Variants in PRKD1 observed in about 807,000 individuals in gnomAD.
The protein encoded by PRKD1 is serine/threonine-protein kinase D1.
PRKD1 carries 63 observed loss-of-function variants against 95.9 expected under a neutral mutation model. The observed-to-expected ratio is 0.66, with a 90% CI of 0.54 to 0.81. PRKD1 has a LOEUF of 0.81. Ranked by LOEUF, PRKD1 falls within the 30% of genes least tolerant of loss-of-function variation. The pLI is 0.00. For synonymous variants in PRKD1, 425 were observed against 423.1 expected, an observed-to-expected ratio of 1.00 and a Z score of -0.05; for missense variants, 1,048 against 1,165.3, an observed-to-expected ratio of 0.90 and a Z score of 1.47.
intron 2 of PRKD1, among the ~76,000 whole-genome samples, chr14:29,683,596 G>A (rs1479077896): frequency 6.6e-6 from 1 of 152,166 alleles, no homozygotes; most frequent in African/African-American, 2.4e-5. Flanking sequence ...CATAAAAGAG[G>A]AGGCAAGAAT....
chr14:29,840,295 T>C (rs1053504270), intron 1 of PRKD1, among the ~76,000 whole-genome samples: 3 of 152,164 alleles, frequency 2.0e-5, no homozygotes, highest in African/African-American at 4.8e-5. Context: ...TCCTAAAACA[T>C]AGGAAGAGTC....
At chr14:29,635,492 ACAAT>A (rs1880306612) in intron 7 of PRKD1, among the ~76,000 whole-genome samples, 1 of 152,220 alleles carries the variant, frequency 6.6e-6, no homozygotes, top group African/African-American at 2.4e-5. Flanking sequence ...ATGGAAAAAA[ACAAT>A]CATTTTATTG....
chr14:29,696,860 G>C (rs1289323100), intron 2 of PRKD1, among the ~76,000 whole-genome samples: 1 of 152,014 alleles, frequency 6.6e-6, no homozygotes, highest in African/African-American at 2.4e-5. Context: ...CTTATACTCA[G>C]CTTCCATGGA....
chr14:29,581,810 G>A (rs573080126), intron 16 of PRKD1, among the ~76,000 whole-genome samples: 5 of 152,106 alleles, frequency 3.3e-5, no homozygotes, highest in South Asian at 4.2e-4. Context: ...TGCTCACACC[G>A]AATAAGCCCA....
intron 1 of PRKD1, among the ~76,000 whole-genome samples, chr14:29,900,872 C>T (rs1466798277): frequency 2.0e-5 from 3 of 152,168 alleles, no homozygotes; most frequent in Non-Finnish European, 4.4e-5. Context: ...GAAAAAGGAA[C>T]GCTTATACAC....
In PRKD1 at chr14:29,576,928, G is replaced by C. The variant is rs938918638; in HGVS notation, c.*310C>G. ...TGTCTCTTACCAAAATGAAGCTCCAGTAAGAAAAACACTGATTTGCAAAGG... is the reference window on the plus strand; with the variant it reads ...TGTCTCTTACCAAAATGAAGCTCCACTAAGAAAAACACTGATTTGCAAAGG... On this transcript the variant is annotated 3_prime_UTR_variant, in exon 18 of 18. Transcript: ENST00000331968. 2.7e-6 allele frequency: 1 copy of C among 370,178 alleles called. No homozygotes were observed. The highest frequency in any genetic ancestry group is 5.1e-6 in the Non-Finnish European group (1 of 196,188). The allele number at this position is 370,178 out of a possible 1,614,324, so 22.9% of individuals were successfully genotyped here.
chr14:29,759,337 G>A (rs1594490937), intron 1 of PRKD1, among the ~76,000 whole-genome samples: 2 of 152,088 alleles, frequency 1.3e-5, no homozygotes, highest in East Asian at 1.9e-4. Context: ...CCTGGTGTGT[G>A]GAAAGCACAG....
intron 1 of PRKD1, 92 bp from the exon 2 acceptor site, chr14:29,725,766 G>A: frequency 3.7e-6 from 5 of 1,353,326 alleles, no homozygotes; most frequent in Non-Finnish European, 5.0e-6. Flanking sequence ...AAGCTAATTA[G>A]AAAAGTTCAA....
intron 1 of PRKD1, among the ~76,000 whole-genome samples, chr14:29,858,317 T>TA (rs1343988205): frequency 2.0e-5 from 3 of 152,226 alleles, no homozygotes; most frequent in Non-Finnish European, 4.4e-5. Context: ...GTTTTTACAC[T>TA]ACTGTTGTCC....
intron 1 of PRKD1, among the ~76,000 whole-genome samples, chr14:29,842,009 C>T (rs1161497070): frequency 6.6e-6 from 1 of 152,032 alleles, no homozygotes; most frequent in African/African-American, 2.4e-5. Flanking sequence ...AGCCTAAACA[C>T]ACAATTAGCC....
intron 1 of PRKD1, among the ~76,000 whole-genome samples, chr14:29,887,014 C>T (rs1306576417): frequency 6.6e-6 from 1 of 152,216 alleles, no homozygotes; most frequent in Admixed American, 6.5e-5. Context: ...CTCAATGGCA[C>T]ATCTGGTAGC....
intron 1 of PRKD1, among the ~76,000 whole-genome samples, chr14:29,835,368 T>A (rs1195086852): frequency 6.6e-6 from 1 of 152,138 alleles, no homozygotes; most frequent in Admixed American, 6.5e-5. Flanking sequence ...GGGTAAAAAC[T>A]TGTAAGTACA....
rs371990329 is a variant in PRKD1, at chr14:29,638,743, G to A, written c.858C>T (p.Tyr286=). The A allele has an allele frequency of 2.5e-6, 4 of 1,614,142 alleles. No homozygotes were observed. The highest frequency in any genetic ancestry group is 3.4e-6 in the Non-Finnish European group (4 of 1,180,022). The change falls in exon 5 of 18, where the codon TAC becomes TAT. Residue 286 remains tyrosine (Y), a synonymous_variant. Coordinates refer to ENST00000331968, the MANE Select transcript of PRKD1 (RefSeq NM_002742.3). The stretch of plus-strand genomic sequence containing the variant: ...AAAGCCCCTTCAGAAGCTTCTTGCA[G>A]TACTGGCACACTGTGGGCCGGGTGT... The part of the protein sequence containing the change: ...HSYTRPTVCQ[Y]CKKLLKGLFR...
At chr14:29,690,820 C>T (rs540968043) in intron 2 of PRKD1, among the ~76,000 whole-genome samples, 5 of 152,262 alleles carry the variant, frequency 3.3e-5, no homozygotes, top group Non-Finnish European at 7.3e-5. Context: ...CAGAATACCC[C>T]CATTCTTACA....
chr14:29,712,382 T>A (rs1286801451), intron 2 of PRKD1, among the ~76,000 whole-genome samples: 1 of 152,114 alleles, frequency 6.6e-6, no homozygotes, highest in Non-Finnish European at 1.5e-5. Flanking sequence ...AAGAAACTTC[T>A]GAGGAAAATA....
intron 1 of PRKD1, among the ~76,000 whole-genome samples, chr14:29,775,512 C>T (rs2139150762): frequency 6.6e-6 from 1 of 152,292 alleles, no homozygotes; most frequent in Non-Finnish European, 1.5e-5. Context: ...CCACGCCTGG[C>T]TCGAGGGTCC....
chr14:29,598,555 A>G (rs189494733), intron 15 of PRKD1, among the ~76,000 whole-genome samples: 2 of 152,288 alleles, frequency 1.3e-5, no homozygotes, highest in African/African-American at 4.8e-5. Context: ...CTGCACTGGC[A>G]CATATATAGG....
chr14:29,631,573 C>T (rs1385430711), intron 9 of PRKD1, among the ~76,000 whole-genome samples: 1 of 151,170 alleles, frequency 6.6e-6, no homozygotes, highest in Non-Finnish European at 1.5e-5. Context: ...GATCTCGGCT[C>T]ACTGCAACCT....
intron 16 of PRKD1, among the ~76,000 whole-genome samples, chr14:29,580,445 C>T (rs1372911761): frequency 2.0e-5 from 3 of 151,860 alleles, no homozygotes; most frequent in Non-Finnish European, 2.9e-5. Flanking sequence ...AGAGGAGAAA[C>T]GTGTATGTAT....
Sources: gnomAD v4.1 joint callset for allele counts (sites outside exome capture counted in the v4.1 genomes callset) on GRCh38, gnomAD v4.1.1 for gene constraint, MANE v1.5 for transcripts, NCBI Gene and HGNC (gene_info 2026-07-23, HGNC 2026-07-21) for gene names.